Variants in SRXN1 observed in about 807,000 individuals in gnomAD.
SRXN1 encodes sulfiredoxin 1.
In SRXN1, 11 loss-of-function variants were observed where a neutral mutation model predicts 11.0. That is an observed-to-expected ratio of 1.00 (90% CI 0.63 to 1.65). SRXN1 has a LOEUF of 1.65. SRXN1 is among the 40% of genes most tolerant of loss of function. The pLI is 0.00. For synonymous variants in SRXN1, 106 were observed against 92.8 expected (o/e 1.14, Z -0.82); for missense variants, 211 against 194.5 (o/e 1.08, Z -0.50).
chr20:652,057 T>C (rs117413024), intron 1 of SRXN1, among the ~76,000 whole-genome samples: 2,300 of 152,238 alleles, frequency 0.015, 119 homozygotes, highest in Admixed American at 0.1. Context: ...TGGACATAAG[T>C]GGTATCCTGA....
rs1015071684 is a variant in SRXN1, at chr20:646,820, A to G, written c.*1894T>C. 2.6e-5 allele frequency: 4 copies of G among 152,040 alleles called. No individual in the cohort carries two copies. The highest frequency in any genetic ancestry group is 9.7e-5 in the African/African-American group (4 of 41,382). The allele number at this position is 152,040 out of a possible 1,614,324, so 9.4% of individuals were successfully genotyped here. ...AATTCAGACTTTTTTCAGATTTCCA[A>G]TTTTCCCACTAATGTCCTGTTTTTG... is the stretch of plus-strand genomic sequence containing the variant. On this transcript the variant is annotated 3_prime_UTR_variant, in exon 2 of 2. Coordinates refer to ENST00000381962, the MANE Select transcript of SRXN1 (RefSeq NM_080725.3).
intron 1 of SRXN1, 128 bp from the exon 2 acceptor site, chr20:649,045 T>C (rs1983609855): frequency 1.0e-6 from 1 of 978,986 alleles, no homozygotes; most frequent in Non-Finnish European, 1.5e-6. Context: ...AGACAACTGT[T>C]AATTATCAGG....
Position 648,509 on chromosome 20 carries a change from T to C in SRXN1, c.*205A>G, listed in dbSNP as rs370756041. On this transcript the variant is annotated 3_prime_UTR_variant, in exon 2 of 2. Transcript: ENST00000381962. ...CTTCAAGGGTAAGGCCATGATCCTA[T>C]TGTCACAGAGGTGGGAACTGGGGCT... 7.7e-5 allele frequency: 51 copies of C among 660,308 alleles called. No homozygotes were observed. The Middle Eastern group carries it at 1.8e-3, about 23-fold the overall frequency. The allele number at this position is 660,308 out of a possible 1,614,324, so 40.9% of individuals were successfully genotyped here.
chr20:652,235 G>A (rs980033517), intron 1 of SRXN1, among the ~76,000 whole-genome samples: 5 of 152,106 alleles, frequency 3.3e-5, no homozygotes, highest in African/African-American at 4.8e-5. Context: ...GAAAGTTATC[G>A]GGGGTGGCTG....
intron 1 of SRXN1, 58 bp downstream of exon 1, chr20:652,901 AGCGACCTCCCTCCTCCG>A: frequency 1.5e-6 from 2 of 1,305,862 alleles, no homozygotes; most frequent in Non-Finnish European, 2.0e-6. Context: ...CGTCCATCGC[AGCGACCTCCCTCCTCCG>A]GCAACCTCCC....
At position 653,132 on chromosome 20, in the gene SRXN1, C is replaced by G. The variant is rs1294360339; in HGVS notation, c.54G>C (p.Ala18=). The G allele has an allele frequency of 1.5e-6, 2 of 1,313,078 alleles. No individual in the cohort carries two copies. The highest frequency in any genetic ancestry group is 6.5e-5 in the East Asian group (2 of 30,876). The allele number at this position is 1,313,078 out of a possible 1,614,324, so 81.3% of individuals were successfully genotyped here. A position where few individuals can be genotyped will look rare whatever the true frequency, so the allele number is the denominator to read the frequency against. ...CGCCGCTCGGCCCGGGCCCCTCGGG[C>G]GCCCCCCGACCCGCGCCGGCCCTGC... ...TLGRAGAGRG[A]PEGPGPSGGA... The change falls in exon 1 of 2, where the codon GCG becomes GCC. Residue 18 remains alanine (A), a synonymous_variant. Transcript: ENST00000381962.
In SRXN1 at chr20:648,234, T is replaced by C. The variant is rs1230783263; in HGVS notation, c.*480A>G. On this transcript the variant is annotated 3_prime_UTR_variant, in exon 2 of 2. Transcript: ENST00000381962. ...GATTAAGGCAAAAGGATCCAAGACG[T>C]GACCCCTACCTTCGTGGAGTTGTTG... 4.4e-6 allele frequency: 2 copies of C among 456,512 alleles called. No homozygotes were observed. The highest frequency in any genetic ancestry group is 4.7e-5 in the Admixed American group (2 of 42,586). 28.3% of individuals were successfully genotyped at this position (456,512 alleles called of 1,614,324 possible).
intron 1 of SRXN1, 98 bp downstream of exon 1, chr20:652,878 C>T (rs987485715): frequency 8.8e-5 from 115 of 1,302,976 alleles, no homozygotes; most frequent in Non-Finnish European, 1.1e-4. Flanking sequence ...GGGCCCGGAA[C>T]CAGTCCGTCT....
rs1233942863 is a variant in SRXN1 at position 647,813 on chromosome 20, G to C, written c.*901C>G. ...TTTGTTTCTAGCTGCCAAGTTTGGG[G>C]ATGGTTTGTTACACAGCAAAAGCTA... On this transcript the variant is annotated 3_prime_UTR_variant, in exon 2 of 2. Transcript: ENST00000381962. The C allele has an allele frequency of 5.9e-6, 2 of 341,390 alleles. No individual in the cohort carries two copies. Among genetic ancestry groups the C allele is most frequent in the African/African-American group, 4.3e-5 (2 of 46,666 alleles). 21.1% of individuals were successfully genotyped at this position (341,390 alleles called of 1,614,324 possible).
chr20:653,018 C>T lies in SRXN1; in HGVS notation c.168G>A (p.Val56=). ...GGCTCTGCACCTTGGCGGGGTCCAACACGGACGGCAGCGGCCGGATGAGCA... is the reference window on the plus strand; with the variant it reads ...GGCTCTGCACCTTGGCGGGGTCCAATACGGACGGCAGCGGCCGGATGAGCA... The part of the protein sequence containing the change: ...LSVLIRPLPS[V]LDPAKVQSLV... The change falls in exon 1 of 2, where the codon GTG becomes GTA. Residue 56 remains valine, a synonymous_variant. Transcript: ENST00000381962. The T allele has an allele frequency of 6.4e-7, 1 of 1,572,984 alleles. No individual in the cohort carries two copies. The highest frequency in any genetic ancestry group is 8.6e-7 in the Non-Finnish European group (1 of 1,162,358).
chr20:648,163 T>C lies in SRXN1; in HGVS notation c.*551A>G. On this transcript the variant is annotated 3_prime_UTR_variant, in exon 2 of 2. Transcript: ENST00000381962. Reference sequence around the variant, plus strand: ...CTTCCTTGAACGCAGACATGATTCTTGGGGATACAGCAGCCATCTTGGGAC... The same window carrying C: ...CTTCCTTGAACGCAGACATGATTCTCGGGGATACAGCAGCCATCTTGGGAC... 1 of 456,294 alleles carries C rather than the reference T, an allele frequency of 2.2e-6. No homozygotes were observed. Among genetic ancestry groups the C allele is most frequent in the Non-Finnish European group, 4.4e-6 (1 of 226,970 alleles). The allele number at this position is 456,294 out of a possible 1,614,324, so 28.3% of individuals were successfully genotyped here.
Position 653,174 on chromosome 20 carries a change from A to G in SRXN1, c.12T>C (p.Arg4=). 2 of 1,254,010 alleles carry G rather than the reference A, an allele frequency of 1.6e-6. No homozygotes were observed. Among genetic ancestry groups the G allele is most frequent in the South Asian group, 2.8e-5 (1 of 36,158 alleles). The allele number at this position is 1,254,010 out of a possible 1,614,324, so 77.7% of individuals were successfully genotyped here. The change falls in exon 1 of 2, where the codon CGT becomes CGC. Residue 4 remains arginine, a synonymous_variant. Transcript: ENST00000381962. ...CGGCCCTGCCCAGCGTTCCTCCTGC[A>G]CGCAGCCCCATCGTCGCCGCCGCCG... The part of the protein sequence containing the change: MGL[R]AGGTLGRAGA...
At chr20:650,360 G>A (rs1245261077) in intron 1 of SRXN1, among the ~76,000 whole-genome samples, 2 of 151,638 alleles carry the variant, frequency 1.3e-5, no homozygotes, top group African/African-American at 2.4e-5. Context: ...TACGGGGCAG[G>A]CCCAAGGGGT....
At chr20:651,923 C>T (rs13039785) in intron 1 of SRXN1, among the ~76,000 whole-genome samples, 134 of 152,208 alleles carry the variant, frequency 8.8e-4, no homozygotes, top group African/African-American at 3.1e-3. Context: ...CTCAGCCAGG[C>T]GCCGTGCTAC....
At chr20:649,257 G>A (rs938780392) in intron 1 of SRXN1, among the ~76,000 whole-genome samples, 7 of 152,216 alleles carry the variant, frequency 4.6e-5, no homozygotes, top group South Asian at 4.1e-4. Flanking sequence ...TCAGGCCCTG[G>A]CTTCAAGGGG....
At position 649,716 on chromosome 20, in the gene SRXN1, A is replaced by AC. The variant is rs1274789893; in HGVS notation, c.211-800_211-799insG. Among the ~76,000 whole-genome samples the AC allele has an allele frequency of 3.6e-3, 542 of 151,276 alleles. 5 individuals carry two copies. The highest frequency in any genetic ancestry group is 0.013 in the African/African-American group (520 of 41,086). ...GAATCCATCTCAAAAAAAAAAAAAA[A>AC]AGAGAGAAGTGGAATAGTTTCGATT... On this transcript the variant is annotated intron_variant, in intron 1 of 1. Transcript: ENST00000381962.
rs1338647850 is a variant in SRXN1, at chr20:652,992, A to T, written c.194T>A (p.Leu65His). ...SVLDPAKVQS[L>H]VDTIREDPDS... ...AGGCCTCACCCGGATCGTGTCCACG[A>T]GGCTCTGCACCTTGGCGGGGTCCAA... Residue 65 changes from leucine to histidine, a missense_variant, in exon 1 of 2, where the codon CTC becomes CAC. By Grantham distance (99) the Leu-to-His change is moderately conservative. Transcript: ENST00000381962. 3 of 1,554,622 alleles carry T rather than the reference A, an allele frequency of 1.9e-6. No individual in the cohort carries two copies. Among genetic ancestry groups the T allele is most frequent in the Non-Finnish European group, 2.6e-6 (3 of 1,150,674 alleles).
Position 653,181 on chromosome 20 carries a change from C to T in SRXN1, c.5G>A (p.Gly2Glu), listed in dbSNP as rs1045345487. The change falls in exon 1 of 2, where the codon GGG becomes GAG. Residue 2 changes from glycine to glutamate, a missense_variant. Coordinates refer to ENST00000381962, the MANE Select transcript of SRXN1 (RefSeq NM_080725.3). Reference protein sequence around the residue: MGLRAGGTLGRA... With the variant: MELRAGGTLGRA... ...GCCCAGCGTTCCTCCTGCACGCAGCCCCATCGTCGCCGCCGCCGCGGGACT... is the reference window on the plus strand; with the variant it reads ...GCCCAGCGTTCCTCCTGCACGCAGCTCCATCGTCGCCGCCGCCGCGGGACT... The T allele has an allele frequency of 8.9e-5, 110 of 1,242,050 alleles. No individual in the cohort carries two copies. Among genetic ancestry groups the T allele is most frequent in the Non-Finnish European group, 1.1e-4 (108 of 994,312 alleles). The allele number at this position is 1,242,050 out of a possible 1,614,324, so 76.9% of individuals were successfully genotyped here. A position where few individuals can be genotyped will look rare whatever the true frequency, so the allele number is the denominator to read the frequency against.
At position 652,916 on chromosome 20, in the gene SRXN1, C is replaced by T; in HGVS notation, c.210+60G>A. The stretch of plus-strand genomic sequence containing the variant: ...CGTCCATCGCAGCGACCTCCCTCCT[C>T]CGGCAACCTCCCTCCTCCGAAGCCC... On this transcript the variant is annotated intron_variant, in intron 1 of 1. Transcript: ENST00000381962. 5 of 938,802 alleles carry T rather than the reference C, an allele frequency of 5.3e-6. No individual in the cohort carries two copies. In the South Asian group the frequency reaches 2.1e-4, roughly 40 times the overall value. 58.2% of individuals were successfully genotyped at this position (938,802 alleles called of 1,614,324 possible).
Sources: allele counts gnomAD v4.1 joint callset (sites outside exome capture counted in the v4.1 genomes callset), GRCh38; gene constraint gnomAD v4.1.1; transcripts MANE v1.5; gene names NCBI Gene and HGNC (gene_info 2026-07-23, HGNC 2026-07-21).